Variants in DUSP13B observed in about 807,000 individuals in gnomAD.
DUSP13B encodes the protein dual specificity protein phosphatase 13B.
At chr10:75,109,167 C>T in the DUSP13B span, 36 of 1,567,200 alleles carry the variant, frequency 2.3e-5, no homozygotes, top group African/African-American at 6.8e-5. Flanking sequence ...TGGGCCAGCC[C>T]GCCCACCCCT....
At chr10:75,103,717 G>C in the DUSP13B span, among the ~76,000 whole-genome samples, 2 of 152,240 alleles carry the variant, frequency 1.3e-5, no homozygotes, top group Non-Finnish European at 1.5e-5. Flanking sequence ...CTAAGGCTCA[G>C]CCCCTCCTGG....
chr10:75,098,949 C>A, the DUSP13B span: 1 of 1,228,196 alleles, frequency 8.1e-7, no homozygotes, highest in South Asian at 4.2e-5. Context: ...AGAGAGTGGT[C>A]ACTAACCCAT....
chr10:75,108,404 T>C, the DUSP13B span: 2 of 1,012,608 alleles, frequency 2.0e-6, no homozygotes, highest in Non-Finnish European at 1.4e-6. Context: ...GAGCCGGCGG[T>C]GTGTGTGTCG....
At chr10:75,103,343 A>G in the DUSP13B span, among the ~76,000 whole-genome samples, 1 of 152,220 alleles carries the variant, frequency 6.6e-6, no homozygotes, top group Non-Finnish European at 1.5e-5. Context: ...GCACAGGCCC[A>G]CACACAGACA....
the DUSP13B span, chr10:75,097,820 G>C: frequency 6.2e-7 from 1 of 1,613,880 alleles, no homozygotes; most frequent in Non-Finnish European, 8.5e-7. Flanking sequence ...CGGCTGGTAG[G>C]GAGATGCCTG....
At chr10:75,107,906 G>A in the DUSP13B span, 2 of 1,415,758 alleles carry the variant, frequency 1.4e-6, no homozygotes, top group South Asian at 2.7e-5. Flanking sequence ...AAGCAGGGAT[G>A]GGAGGGCACT....
At chr10:75,098,809 A>G in the DUSP13B span, among the ~76,000 whole-genome samples, 1 of 152,122 alleles carries the variant, frequency 6.6e-6, no homozygotes, top group Non-Finnish European at 1.5e-5. Context: ...ATCTGTTCCT[A>G]TTTTACCCAG....
At chr10:75,105,863 C>T in the DUSP13B span, 1 of 1,547,464 alleles carries the variant, frequency 6.5e-7, no homozygotes, top group Non-Finnish European at 8.7e-7. Flanking sequence ...TGCACCAGGA[C>T]CTTGGCTGAG....
At chr10:75,097,117 C>T in the DUSP13B span, among the ~76,000 whole-genome samples, 3 of 152,148 alleles carry the variant, frequency 2.0e-5, no homozygotes, top group Non-Finnish European at 4.4e-5. Context: ...GAGAAGGATT[C>T]AGTAGGGGCT....
chr10:75,095,751 G>A, the DUSP13B span: 3 of 1,614,228 alleles, frequency 1.9e-6, no homozygotes, highest in South Asian at 1.1e-5. Context: ...CACAACGTGG[G>A]TGATTCCCAG....
chr10:75,096,292 T>A, the DUSP13B span, among the ~76,000 whole-genome samples: 1 of 151,892 alleles, frequency 6.6e-6, no homozygotes, highest in South Asian at 2.1e-4. Context: ...AGACTCCTTT[T>A]CAGGCCAGGC....
chr10:75,099,034 C>G, the DUSP13B span: 74 of 1,232,378 alleles, frequency 6.0e-5, no homozygotes, highest in Non-Finnish European at 6.9e-5. Context: ...TCCTTACCCC[C>G]ACGACTCAGG....
chr10:75,094,669 T>C, the DUSP13B span: 1 of 1,613,088 alleles, frequency 6.2e-7, no homozygotes, highest in Admixed American at 1.7e-5. Context: ...CCTGGCTGCC[T>C]GCCAGATCAG....
the DUSP13B span, chr10:75,108,064 G>A: frequency 1.2e-6 from 2 of 1,613,918 alleles, no homozygotes; most frequent in Non-Finnish European, 1.7e-6. Flanking sequence ...TCAAAATCAG[G>A]GAGGTCGTGG....
At chr10:75,095,726 G>T in the DUSP13B span, 1 of 1,614,126 alleles carries the variant, frequency 6.2e-7, no homozygotes, top group East Asian at 2.2e-5. Context: ...CCTGGAACTT[G>T]CCTGCAGCGG....
the DUSP13B span, chr10:75,108,160 C>G: frequency 3.7e-6 from 6 of 1,612,606 alleles, no homozygotes; most frequent in African/African-American, 4.0e-5. Context: ...GCGTTCAGCA[C>G]GTGGGTGATG....
At chr10:75,105,203 A>G in the DUSP13B span, among the ~76,000 whole-genome samples, 3 of 152,054 alleles carry the variant, frequency 2.0e-5, no homozygotes, top group Non-Finnish European at 2.9e-5. Context: ...GTCCAGACCT[A>G]GGGGGAAGGG....
chr10:75,097,688 A>G, the DUSP13B span: 1 of 1,526,258 alleles, frequency 6.6e-7, no homozygotes, highest in Non-Finnish European at 8.9e-7. Flanking sequence ...CGCCATCCCC[A>G]CTCCTAACGT....
the DUSP13B span, chr10:75,099,141 C>T: frequency 4.1e-6 from 5 of 1,232,224 alleles, no homozygotes; most frequent in Non-Finnish European, 5.1e-6. Flanking sequence ...GGATTTTCAG[C>T]GGCACCAGAA....
Sources: gnomAD v4.1 joint callset for allele counts (sites outside exome capture counted in the v4.1 genomes callset) on GRCh38, gnomAD v4.1.1 for gene constraint, MANE v1.5 for transcripts, NCBI Gene and HGNC (gene_info 2026-07-23, HGNC 2026-07-21) for gene names.